RALYL: variants seen among roughly 807,000 people sequenced by gnomAD.
The protein encoded by RALYL is RNA-binding Raly-like protein.
A neutral mutation model predicts 35.1 loss-of-function variants in RALYL; 29 were observed. The ratio of observed to expected loss-of-function variants is 0.83; its 90% CI spans 0.61 to 1.13. The LOEUF (loss-of-function observed/expected upper bound fraction) is 1.13, where lower values mean the gene tolerates loss of function less well. RALYL is among the 50% of genes most tolerant of loss of function. The pLI, the probability that RALYL is intolerant of heterozygous loss-of-function variation, is 0.00. For missense variants in RALYL, 359 were observed against 360.4 expected (o/e 1.00, Z 0.03); for synonymous variants, 120 against 127.6 (o/e 0.94, Z 0.40).
chr8:84,424,600 C>T (rs1181301286), intron 1 of RALYL, among the ~76,000 whole-genome samples: 21 of 151,472 alleles, frequency 1.4e-4, no homozygotes, highest in East Asian at 1.4e-3. Context: ...TGAGGAACTG[C>T]GTTCCTTTGG....
intron 1 of RALYL, among the ~76,000 whole-genome samples, chr8:84,470,327 A>G (rs1279105332): frequency 6.6e-6 from 1 of 152,138 alleles, no homozygotes; most frequent in Non-Finnish European, 1.5e-5. Flanking sequence ...TCAGATGAAA[A>G]CTGAATTCCC....
intron 1 of RALYL, among the ~76,000 whole-genome samples, chr8:84,505,195 G>C (rs1009493191): frequency 6.6e-6 from 1 of 152,120 alleles, no homozygotes; most frequent in Non-Finnish European, 1.5e-5. Context: ...CCTCGGTTTA[G>C]TATCCAGTTC....
chr8:84,766,373 T>C (rs561954163), intron 2 of RALYL, among the ~76,000 whole-genome samples: 186 of 151,982 alleles, frequency 1.2e-3, no homozygotes, highest in Non-Finnish European at 1.7e-3. Flanking sequence ...ACAGTTTTAC[T>C]GTGATAAATT....
chr8:84,266,940 A>C (rs2131884086), intron 1 of RALYL, among the ~76,000 whole-genome samples: 1 of 147,780 alleles, frequency 6.8e-6, no homozygotes, highest in East Asian at 2.0e-4. Context: ...AGCCTGGGCG[A>C]CAGAGCGAGA....
intron 2 of RALYL, among the ~76,000 whole-genome samples, chr8:84,538,459 G>T (rs55772191): frequency 2.0e-5 from 3 of 152,190 alleles, no homozygotes; most frequent in Non-Finnish European, 4.4e-5. Context: ...ACTAATTTTA[G>T]AATGCTCTAC....
At chr8:84,756,873 A>T (rs1811546800) in intron 2 of RALYL, among the ~76,000 whole-genome samples, 1 of 152,076 alleles carries the variant, frequency 6.6e-6, no homozygotes, top group African/African-American at 2.4e-5. Flanking sequence ...GAATAAAACC[A>T]CAATTACTCT....
intron 1 of RALYL, among the ~76,000 whole-genome samples, chr8:84,229,500 C>G (rs12541642): frequency 0.043 from 6,551 of 152,204 alleles, 183 homozygotes; most frequent in Non-Finnish European, 0.043. Flanking sequence ...AACTATTTAT[C>G]CCAAATATTA....
At chr8:84,435,225 C>A (rs2047574562) in intron 1 of RALYL, among the ~76,000 whole-genome samples, 1 of 152,114 alleles carries the variant, frequency 6.6e-6, no homozygotes, top group Non-Finnish European at 1.5e-5. Flanking sequence ...TACTAGCCTA[C>A]ACAGATATTA....
At chr8:84,201,021 A>G (rs548438542) in intron 1 of RALYL, among the ~76,000 whole-genome samples, 1 of 152,314 alleles carries the variant, frequency 6.6e-6, no homozygotes, top group East Asian at 1.9e-4. Flanking sequence ...AATGGAGCTT[A>G]CAGTGCAGAA....
At chr8:84,223,013 G>A (rs1306309306) in intron 1 of RALYL, among the ~76,000 whole-genome samples, 1 of 152,010 alleles carries the variant, frequency 6.6e-6, no homozygotes, top group East Asian at 1.9e-4. Context: ...ATTTAAGTGG[G>A]AATTTGGGGG....
chr8:84,611,872 C>T (rs1399966059), intron 2 of RALYL, among the ~76,000 whole-genome samples: 1 of 151,980 alleles, frequency 6.6e-6, no homozygotes, highest in Non-Finnish European at 1.5e-5. Context: ...GGTTCACTCC[C>T]CCAATTACAC....
intron 2 of RALYL, among the ~76,000 whole-genome samples, chr8:84,750,736 A>G (rs1218592333): frequency 6.6e-6 from 1 of 152,084 alleles, no homozygotes; most frequent in Admixed American, 6.6e-5. Context: ...GACCTGACCT[A>G]GCATGCTCAG....
chr8:84,590,087 A>G (rs1812903007), intron 2 of RALYL, among the ~76,000 whole-genome samples: 2 of 152,152 alleles, frequency 1.3e-5, no homozygotes, highest in South Asian at 2.1e-4. Context: ...TTCCTAATTC[A>G]TTTCTTTAAA....
chr8:84,771,132 T>C (rs573466998), intron 2 of RALYL, among the ~76,000 whole-genome samples: 5 of 152,284 alleles, frequency 3.3e-5, no homozygotes, highest in South Asian at 2.1e-4. Flanking sequence ...ATACTGTCAG[T>C]ATTTTTCCAG....
intron 8 of RALYL, among the ~76,000 whole-genome samples, chr8:84,916,115 A>G (rs1057019365): frequency 6.6e-6 from 1 of 152,084 alleles, no homozygotes; most frequent in Non-Finnish European, 1.5e-5. Context: ...TCATAAAAGG[A>G]AAAGGAAAAA....
At chr8:84,435,432 C>G (rs2047608054) in intron 1 of RALYL, among the ~76,000 whole-genome samples, 1 of 152,040 alleles carries the variant, frequency 6.6e-6, no homozygotes, top group South Asian at 2.1e-4. Flanking sequence ...TCAGATCAGT[C>G]TCCAAAAACA....
intron 7 of RALYL, among the ~76,000 whole-genome samples, chr8:84,883,689 A>C (rs1044437339): frequency 5.3e-5 from 8 of 152,084 alleles, no homozygotes; most frequent in Admixed American, 4.6e-4. Flanking sequence ...AAACCATATC[A>C]GTACTGGACT....
chr8:84,503,822 G>A (rs938752580), intron 1 of RALYL, among the ~76,000 whole-genome samples: 1 of 149,268 alleles, frequency 6.7e-6, no homozygotes, highest in Non-Finnish European at 1.5e-5. Context: ...AGCCAAGATT[G>A]CACTGCACTC....
chr8:84,241,343 A>G (rs1827823785), intron 1 of RALYL, among the ~76,000 whole-genome samples: 1 of 152,104 alleles, frequency 6.6e-6, no homozygotes, highest in Non-Finnish European at 1.5e-5. Flanking sequence ...TCATGTTGGA[A>G]TACCTGATAA....
Sources: gnomAD v4.1 joint callset for allele counts (sites outside exome capture counted in the v4.1 genomes callset) on GRCh38, gnomAD v4.1.1 for gene constraint, MANE v1.5 for transcripts, NCBI Gene and HGNC (gene_info 2026-07-23, HGNC 2026-07-21) for gene names.